ANO4: variants seen among roughly 807,000 people sequenced by gnomAD.
The protein encoded by ANO4 is anoctamin-4.
In ANO4, 69 loss-of-function variants were observed where a neutral mutation model predicts 141.9. The observed-to-expected ratio is 0.49, with a 90% CI of 0.40 to 0.59. ANO4 has a LOEUF of 0.59. Among genes scored for constraint, ANO4 ranks in the 20% least tolerant of loss-of-function variants. ANO4 has a pLI of 0.00. For missense variants in ANO4, 894 were observed against 1,162.2 expected, an observed-to-expected ratio of 0.77 and a Z score of 3.36; for synonymous variants, 350 against 394.3, an observed-to-expected ratio of 0.89 and a Z score of 1.33.
intron 14 of ANO4, among the ~76,000 whole-genome samples, chr12:101,072,494 A>G (rs1348371977): frequency 6.6e-6 from 1 of 152,236 alleles, no homozygotes; most frequent in Non-Finnish European, 1.5e-5. Context: ...ACCCTAGAAG[A>G]AAACCTAGGC....
chr12:100,979,872 C>T lies in ANO4; in HGVS notation c.602+4983C>T, dbSNP rs545532603. 1.3e-4 allele frequency among the ~76,000 whole-genome samples: 19 copies of T among 150,712 alleles called. No individual in the cohort carries two copies. The South Asian group carries it at 1.7e-3, about 13-fold the overall frequency. Reference sequence around the variant, plus strand: ...CCTCCCGAGTAGCTGGGACTACAGGCGCCCACCACCACGCCCAGCTGACTT... The same window carrying T: ...CCTCCCGAGTAGCTGGGACTACAGGTGCCCACCACCACGCCCAGCTGACTT... On this transcript the variant is annotated intron_variant, in intron 7 of 27. Coordinates refer to ENST00000392977, the MANE Select transcript of ANO4 (RefSeq NM_001286615.2).
Position 101,077,268 on chromosome 12 carries a change from G to A in ANO4, c.1313-1925G>A, listed in dbSNP as rs77965874. 7.0e-4 allele frequency among the ~76,000 whole-genome samples: 106 copies of A among 152,244 alleles called. 3 individuals carry two copies. The East Asian group carries it at 0.019, about 27-fold the overall frequency. On this transcript the variant is annotated intron_variant, in intron 14 of 27. Transcript: ENST00000392977. ...AAGTACATCCTGTGTGACTTCACTG[G>A]GAGACGACTTGGAAGCTTGTCCTGT...
intron 3 of ANO4, among the ~76,000 whole-genome samples, chr12:100,925,582 C>T (rs768844536): frequency 1.3e-4 from 20 of 150,926 alleles, no homozygotes; most frequent in Non-Finnish European, 2.4e-4. Flanking sequence ...CACCATGGCA[C>T]GTGTATACCT....
At chr12:101,022,083 C>A (rs1265681934) in intron 9 of ANO4, among the ~76,000 whole-genome samples, 2 of 116,828 alleles carry the variant, frequency 1.7e-5, no homozygotes, top group Non-Finnish European at 2.0e-5. Context: ...TCCCAAGCTG[C>A]ATAAATTAAA....
At chr12:100,941,734 A>G (rs953584190) in intron 4 of ANO4, among the ~76,000 whole-genome samples, 17 of 151,296 alleles carry the variant, frequency 1.1e-4, no homozygotes, top group Non-Finnish European at 1.5e-4. Context: ...TCAGTTTTGC[A>G]AGATAATGTT....
chr12:100,915,193 C>T (rs1248467335), intron 2 of ANO4, among the ~76,000 whole-genome samples: 1 of 152,056 alleles, frequency 6.6e-6, no homozygotes, highest in Non-Finnish European at 1.5e-5. Flanking sequence ...ATGGGGAGTT[C>T]AATACAAAAC....
In ANO4 at chr12:100,737,081, G is replaced by T. The variant is rs561373333; in HGVS notation, c.107-2773G>T. On this transcript the variant is annotated intron_variant, in intron 2 of 29. Transcript: ENST00000644049. ...CTTAATCTTCCCAGAAGGTGCCAGT[G>T]TAACAAGAAGGCTCTTGAATACTGC... Among the ~76,000 whole-genome samples, 302 of 152,310 alleles carry T rather than the reference G, an allele frequency of 2.0e-3. 1 individual carries two copies. The highest frequency in any genetic ancestry group is 3.4e-3 in the Middle Eastern group (1 of 294).
rs916888914 is a variant in ANO4, at chr12:100,755,457, G to A, written c.358+15352G>A. Among the ~76,000 whole-genome samples the A allele has an allele frequency of 2.0e-5, 3 of 152,186 alleles. 1 individual carries two copies. Among genetic ancestry groups the A allele is most frequent in the Admixed American group, 2.0e-4 (3 of 15,282 alleles). On this transcript the variant is annotated intron_variant, in intron 3 of 29. Transcript: ENST00000644049. The stretch of plus-strand genomic sequence containing the variant: ...TGCCTTGCCAGATGGTGAGCACCAT[G>A]CAGGGAGAATGTCTGATTTGAATTT...
chr12:100,897,120 T>G (rs914899963), intron 1 of ANO4, among the ~76,000 whole-genome samples: 8 of 152,150 alleles, frequency 5.3e-5, no homozygotes, highest in African/African-American at 1.4e-4. Context: ...TCCCCCAAGG[T>G]GTGTGTTTCC....
intron 1 of ANO4, among the ~76,000 whole-genome samples, chr12:100,866,846 T>TA (rs2038775959): frequency 6.6e-6 from 1 of 152,158 alleles, no homozygotes; most frequent in Admixed American, 6.6e-5. Flanking sequence ...GAGGAGGAGA[T>TA]ACGTTATACA....
At chr12:100,969,553 G>T (rs2043827476) in intron 5 of ANO4, among the ~76,000 whole-genome samples, 1 of 152,146 alleles carries the variant, frequency 6.6e-6, no homozygotes, top group African/African-American at 2.4e-5. Context: ...AGGTCAAAAA[G>T]ACTCTGAATT....
At chr12:100,751,504 A>C (rs192719136) in intron 3 of ANO4, among the ~76,000 whole-genome samples, 7 of 152,186 alleles carry the variant, frequency 4.6e-5, no homozygotes, top group African/African-American at 1.7e-4. Flanking sequence ...TATATTTTGG[A>C]AACTATGCAG....
At chr12:100,768,220 C>A (rs188744132) in intron 3 of ANO4, among the ~76,000 whole-genome samples, 2 of 152,148 alleles carry the variant, frequency 1.3e-5, no homozygotes, top group Non-Finnish European at 2.9e-5. Context: ...TGCTAGGGTC[C>A]GTAGCCAAGT....
chr12:100,788,847 A>G (rs1054551734), intron 3 of ANO4, among the ~76,000 whole-genome samples: 1 of 152,050 alleles, frequency 6.6e-6, no homozygotes, highest in Non-Finnish European at 1.5e-5. Context: ...GTGGTTACAG[A>G]TAGAGATAAA....
chr12:100,731,042 G>C (rs1463403911), intron 1 of ANO4, among the ~76,000 whole-genome samples: 1 of 152,064 alleles, frequency 6.6e-6, no homozygotes, highest in Admixed American at 6.6e-5. Context: ...GTTCTTTCCT[G>C]CTAAGAACAT....
chr12:101,120,802 C>T (rs1381224005), intron 26 of ANO4, among the ~76,000 whole-genome samples, 177 bp downstream of exon 26: 7 of 152,076 alleles, frequency 4.6e-5, no homozygotes, highest in South Asian at 2.1e-4. Context: ...TTTGATTTTT[C>T]CAAGACATAT....
chr12:100,753,495 C>A (rs2135504514), intron 3 of ANO4, among the ~76,000 whole-genome samples: 1 of 152,244 alleles, frequency 6.6e-6, no homozygotes, highest in South Asian at 2.1e-4. Context: ...TTACCTATTC[C>A]AACCTGAAGT....
intron 9 of ANO4, among the ~76,000 whole-genome samples, chr12:101,032,404 T>C (rs889121255): frequency 2.6e-5 from 4 of 152,218 alleles, no homozygotes; most frequent in Admixed American, 6.5e-5. Context: ...ACTGGACCGC[T>C]TGCTTACGTC....
chr12:100,739,366 G>T (rs986763913), intron 2 of ANO4, among the ~76,000 whole-genome samples: 1 of 151,950 alleles, frequency 6.6e-6, no homozygotes, highest in African/African-American at 2.4e-5. Flanking sequence ...ATCTTGCTTT[G>T]TACTGTAGTT....
Sources: gnomAD v4.1 joint callset for allele counts (sites outside exome capture counted in the v4.1 genomes callset) on GRCh38, gnomAD v4.1.1 for gene constraint, MANE v1.5 for transcripts, NCBI Gene and HGNC (gene_info 2026-07-23, HGNC 2026-07-21) for gene names.